The following ANXA10 variants were observed in gnomAD, a reference collection of about 807,000 sequenced individuals.
The protein encoded by ANXA10 is annexin 14.
In ANXA10, 49 loss-of-function variants were observed where a neutral mutation model predicts 53.5. The ratio of observed to expected loss-of-function variants is 0.92; its 90% CI spans 0.73 to 1.16. ANXA10 has a LOEUF of 1.16. Ranked by LOEUF, ANXA10 falls within the 50% of genes most tolerant of loss-of-function variation. The pLI is 0.00. For synonymous variants in ANXA10, 131 were observed against 128.9 expected (o/e 1.02, Z -0.11); for missense variants, 393 against 394.4 (o/e 1.00, Z 0.03).
intron 11 of ANXA10, 119 bp from the exon 12 acceptor site, chr4:168,187,247 A>G (rs17610904): frequency 0.039 from 20,365 of 524,310 alleles, 511 homozygotes; most frequent in Non-Finnish European, 0.049. Flanking sequence ...AGAAAAGTAA[A>G]TAAGTTTAGA....
At chr4:168,184,227 G>A (rs1283801025) in intron 10 of ANXA10, among the ~76,000 whole-genome samples, 2 of 152,186 alleles carry the variant, frequency 1.3e-5, no homozygotes, top group Admixed American at 6.5e-5. Flanking sequence ...GGGACGGTGT[G>A]AAGGTTAACA....
chr4:168,094,087 A>G lies in ANXA10; in HGVS notation c.18+1369A>G, dbSNP rs148696366. On this transcript the variant is annotated intron_variant, in intron 1 of 11. Coordinates refer to ENST00000359299, the MANE Select transcript of ANXA10 (RefSeq NM_007193.5). ...GTATAGTTATTTGGGAGTAATTACT[A>G]TTATATTCTATGCATTGTGTGGTCT... 1.1e-3 allele frequency among the ~76,000 whole-genome samples: 170 copies of G among 152,248 alleles called. 2 individuals are homozygous for G. The East Asian group carries it at 0.023, about 20-fold the overall frequency.
intron 1 of ANXA10, among the ~76,000 whole-genome samples, chr4:168,127,077 A>T (rs1455167871): frequency 6.6e-6 from 1 of 152,126 alleles, no homozygotes; most frequent in African/African-American, 2.4e-5. Context: ...GAAGGCATGA[A>T]TTCCCCAATG....
chr4:168,172,302 G>A (rs1041416514), intron 6 of ANXA10, among the ~76,000 whole-genome samples: 2 of 152,178 alleles, frequency 1.3e-5, no homozygotes, highest in African/African-American at 4.8e-5. Flanking sequence ...TAAACAGATA[G>A]GCACCATTTC....
chr4:168,159,941 T>G (rs1396112639), intron 3 of ANXA10, among the ~76,000 whole-genome samples: 1 of 152,184 alleles, frequency 6.6e-6, no homozygotes, highest in Non-Finnish European at 1.5e-5. Context: ...TATTGCATGT[T>G]TTTAAGTAAA....
At chr4:168,119,536 A>C (rs572864370) in intron 1 of ANXA10, among the ~76,000 whole-genome samples, 1 of 152,306 alleles carries the variant, frequency 6.6e-6, no homozygotes, top group South Asian at 2.1e-4. Context: ...TACATGGTTT[A>C]TAGGTACCTG....
At chr4:168,093,978 A>T (rs1379607088) in intron 1 of ANXA10, among the ~76,000 whole-genome samples, 2 of 152,074 alleles carry the variant, frequency 1.3e-5, no homozygotes, top group African/African-American at 2.4e-5. Flanking sequence ...CACTACAGAG[A>T]AAAAAAGGTA....
chr4:168,187,221 G>T lies in ANXA10; in HGVS notation c.907-145G>T, dbSNP rs6821422. 20,637 of 430,896 alleles carry T rather than the reference G, an allele frequency of 0.048. 1,543 individuals are homozygous for T. The highest frequency in any genetic ancestry group is 0.17 in the East Asian group (4,654 of 27,018). 26.7% of individuals were successfully genotyped at this position (430,896 alleles called of 1,614,324 possible). On this transcript the variant is annotated intron_variant, in intron 11 of 11. Transcript: ENST00000359299. ...TCATTGGGAGCAGTACTTAGGGCAT[G>T]TTAAACCTTTAGATGAGAAAAGTAA...
intron 3 of ANXA10, among the ~76,000 whole-genome samples, chr4:168,158,833 T>A (rs1469814973): frequency 1.3e-5 from 2 of 152,196 alleles, no homozygotes. Flanking sequence ...CATGTTGAAA[T>A]GTGATCTCCA....
At position 168,139,505 on chromosome 4, in the gene ANXA10, G is replaced by C; in HGVS notation, c.120G>C (p.Leu40=). 6.2e-7 allele frequency: 1 copy of C among 1,612,606 alleles called. No homozygotes were observed. Among genetic ancestry groups the C allele is most frequent in the East Asian group, 2.2e-5 (1 of 44,790 alleles). The change falls in exon 3 of 12, where the codon CTG becomes CTC. Residue 40 remains leucine (L), a synonymous_variant. Coordinates refer to ENST00000359299, the MANE Select transcript of ANXA10 (RefSeq NM_007193.5). ...LQGFDCDKDM[L]INILTQRCNA... ...TTCCAGACTGTGACAAAGACATGCTGATCAACATTCTGACTCAGCGCTGCA... is the reference window on the plus strand; with the variant it reads ...TTCCAGACTGTGACAAAGACATGCTCATCAACATTCTGACTCAGCGCTGCA...
intron 2 of ANXA10, among the ~76,000 whole-genome samples, chr4:168,134,411 A>T (rs1333362576): frequency 6.6e-6 from 1 of 152,178 alleles, no homozygotes; most frequent in Non-Finnish European, 1.5e-5. Flanking sequence ...AATAAACAAG[A>T]ATTGCTATGA....
At chr4:168,137,563 T>C (rs1731257118) in intron 2 of ANXA10, among the ~76,000 whole-genome samples, 1 of 152,192 alleles carries the variant, frequency 6.6e-6, no homozygotes, top group African/African-American at 2.4e-5. Context: ...TCACTTAGGA[T>C]AATGGCCTCT....
chr4:168,098,361 A>G (rs547481371), intron 1 of ANXA10, among the ~76,000 whole-genome samples: 1 of 152,106 alleles, frequency 6.6e-6, no homozygotes, highest in Non-Finnish European at 1.5e-5. Flanking sequence ...AAAAGCAGAA[A>G]GAAAGGAGTC....
intron 6 of ANXA10, among the ~76,000 whole-genome samples, chr4:168,172,524 T>C (rs1394297933): frequency 2.0e-5 from 3 of 152,218 alleles, no homozygotes; most frequent in African/African-American, 7.2e-5. Context: ...GTTATTTCTT[T>C]ACTTTTCCAA....
chr4:168,092,575 G>A lies in ANXA10; in HGVS notation c.-126G>A, dbSNP rs1361476019. 1.1e-6 allele frequency: 1 copy of A among 926,386 alleles called. No homozygotes were observed. The highest frequency in any genetic ancestry group is 2.5e-5 in the Admixed American group (1 of 39,232). 57.4% of individuals were successfully genotyped at this position (926,386 alleles called of 1,614,324 possible). On this transcript the variant is annotated 5_prime_UTR_variant, in exon 1 of 12. Transcript: ENST00000359299. ...TTTACATTTTCTTGCCTGAGTCTGA[G>A]GTGAACAGTGAACATATTTACATTT...
At chr4:168,181,905 G>A (rs1366348995) in intron 10 of ANXA10, among the ~76,000 whole-genome samples, 164 bp downstream of exon 10, 1 of 152,108 alleles carries the variant, frequency 6.6e-6, no homozygotes. Flanking sequence ...CCAAAAATAA[G>A]ACATATCAGA....
intron 2 of ANXA10, among the ~76,000 whole-genome samples, chr4:168,139,252 G>A (rs1238611143): frequency 1.3e-5 from 2 of 152,050 alleles, no homozygotes; most frequent in African/African-American, 2.4e-5. Flanking sequence ...TTATTATTTT[G>A]AGGAATGTTC....
chr4:168,105,346 T>C (rs527601648), intron 1 of ANXA10, among the ~76,000 whole-genome samples: 1 of 152,140 alleles, frequency 6.6e-6, no homozygotes, highest in African/African-American at 2.4e-5. Flanking sequence ...TAGCTCCCAC[T>C]TATAAATGAG....
chr4:168,145,624 GAGAA>G (rs1731394128), intron 3 of ANXA10, among the ~76,000 whole-genome samples: 4 of 152,170 alleles, frequency 2.6e-5, no homozygotes, highest in Admixed American at 2.6e-4. Context: ...TCAGTATTAA[GAGAA>G]AGAAAGAAGC....
Sources: allele counts gnomAD v4.1 joint callset (sites outside exome capture counted in the v4.1 genomes callset), GRCh38; gene constraint gnomAD v4.1.1; transcripts MANE v1.5; gene names NCBI Gene and HGNC (gene_info 2026-07-23, HGNC 2026-07-21).